The following RUNDC1 variants were observed in gnomAD, a reference collection of about 807,000 sequenced individuals.
RUNDC1 encodes RUN domain-containing protein 1.
A neutral mutation model predicts 49.3 loss-of-function variants in RUNDC1; 31 were observed. The ratio of observed to expected loss-of-function variants is 0.63; its 90% CI spans 0.47 to 0.85. The LOEUF is 0.85. Ranked by LOEUF, RUNDC1 falls within the 40% of genes least tolerant of loss-of-function variation. RUNDC1 has a pLI of 0.00. For missense variants in RUNDC1, 715 were observed against 806.7 expected (o/e 0.89, Z 1.38); for synonymous variants, 347 against 348.6 (o/e 1.00, Z 0.05).
intron 1 of RUNDC1, chr17:42,985,696 C>G (rs947855514): frequency 2.0e-5 from 20 of 978,748 alleles, no homozygotes; most frequent in Non-Finnish European, 2.3e-5. Context: ...ACGCTGTAGA[C>G]TTCTAGTTTA....
chr17:42,984,850 T>A (rs2050148627), intron 1 of RUNDC1, among the ~76,000 whole-genome samples: 1 of 152,050 alleles, frequency 6.6e-6, no homozygotes, highest in Admixed American at 6.6e-5. Context: ...GTTCATTATT[T>A]GGAATTTGTC....
rs774756128 is a variant in RUNDC1 at position 42,989,575 on chromosome 17, G to A, written c.856+36G>A. 3.0e-5 allele frequency: 47 copies of A among 1,568,008 alleles called. 1 individual carries two copies. The South Asian group carries it at 4.8e-4, about 16-fold the overall frequency. ...GGGATGGGATGAGAAGGGTGGACAG[G>A]TGTCATAATAATTATACTTATTCTA... On this transcript the variant is annotated intron_variant, in intron 3 of 4. Coordinates refer to ENST00000361677, the MANE Select transcript of RUNDC1 (RefSeq NM_173079.5).
In RUNDC1 at chr17:42,989,470, A is replaced by G; in HGVS notation, c.787A>G (p.Lys263Glu). Residue 263 changes from lysine to glutamate, a missense_variant, in exon 3 of 5, where the codon AAA becomes GAA. Coordinates refer to ENST00000361677, the MANE Select transcript of RUNDC1 (RefSeq NM_173079.5). Reference sequence around the variant, plus strand: ...TCAGATCGTCAACCCAGCCCGAGTCAAAGAACAGTTGGTTGAGCAACTGAA... The same window carrying G: ...TCAGATCGTCAACCCAGCCCGAGTCGAAGAACAGTTGGTTGAGCAACTGAA... The part of the protein sequence containing the change: ...VAQIVNPARV[K>E]EQLVEQLKTQ... The G allele has an allele frequency of 6.2e-7, 1 of 1,614,164 alleles. No individual in the cohort carries two copies. The highest frequency in any genetic ancestry group is 1.7e-5 in the Admixed American group (1 of 60,014).
chr17:42,991,287 C>T lies in RUNDC1; in HGVS notation c.1413C>T (p.His471=), dbSNP rs1376689901. The T allele has an allele frequency of 6.2e-7, 1 of 1,614,180 alleles. No individual in the cohort carries two copies. The highest frequency in any genetic ancestry group is 8.5e-7 in the Non-Finnish European group (1 of 1,180,030). Residue 471 remains histidine, a synonymous_variant, in exon 5 of 5, where the codon CAC becomes CAT. Coordinates refer to ENST00000361677, the MANE Select transcript of RUNDC1 (RefSeq NM_173079.5). ...PAFSSAPEAM[H]PWELFVKYYH... ...TCTCCTCGGCCCCAGAGGCCATGCA[C>T]CCGTGGGAGCTCTTTGTAAAGTACT...
In RUNDC1 at chr17:42,994,032, G is replaced by A. The variant is rs537244735; in HGVS notation, c.*2316G>A. ...CTGCCACCACGCCTGGCTAATGTTT[G>A]TATTTTTAATAGAGAGGGTTTCACC... On this transcript the variant is annotated 3_prime_UTR_variant, in exon 5 of 5. Transcript: ENST00000361677. Among the ~76,000 whole-genome samples, 21 of 152,254 alleles carry A rather than the reference G, an allele frequency of 1.4e-4. No individual in the cohort carries two copies. The highest frequency in any genetic ancestry group is 4.8e-4 in the African/African-American group (20 of 41,556).
At chr17:42,984,280 GTTT>G (rs1227344186) in intron 1 of RUNDC1, among the ~76,000 whole-genome samples, 5 of 134,598 alleles carry the variant, frequency 3.7e-5, no homozygotes, top group Admixed American at 7.5e-5. Context: ...CTGGCCCCCA[GTTT>G]TTTTTTTTTT....
chr17:42,983,813 A>G (rs1242417698), intron 1 of RUNDC1, among the ~76,000 whole-genome samples: 1 of 151,866 alleles, frequency 6.6e-6, no homozygotes, highest in Non-Finnish European at 1.5e-5. Flanking sequence ...CTGGGACTAC[A>G]GGTGCCCGTC....
intron 1 of RUNDC1, among the ~76,000 whole-genome samples, chr17:42,983,932 A>C (rs1389350113): frequency 6.6e-6 from 1 of 150,872 alleles, no homozygotes; most frequent in Non-Finnish European, 1.5e-5. Flanking sequence ...AATCTGTCCG[A>C]CTCGGCCTCC....
At position 42,989,356 on chromosome 17, in the gene RUNDC1, T is replaced by C; in HGVS notation, c.673T>C (p.Leu225=). The part of the protein sequence containing the change: ...LERQRVIIDE[L]IKKLDMNLNE... ...ATCTTGGTAGGTGATCATAGATGAGTTAATAAAGAAACTGGACATGAATCT... is the reference window on the plus strand; with the variant it reads ...ATCTTGGTAGGTGATCATAGATGAGCTAATAAAGAAACTGGACATGAATCT... The change falls in exon 3 of 5, where the codon TTA becomes CTA. Residue 225 remains leucine (L), a synonymous_variant. Transcript: ENST00000361677. The C allele has an allele frequency of 1.2e-6, 2 of 1,613,766 alleles. No individual in the cohort carries two copies. The highest frequency in any genetic ancestry group is 4.5e-5 in the East Asian group (2 of 44,874).
rs771239383 is a variant in RUNDC1 at position 42,981,061 on chromosome 17, G to A, written c.485G>A (p.Arg162Gln). The A allele has an allele frequency of 6.4e-7, 1 of 1,563,316 alleles. No individual in the cohort carries two copies. Among genetic ancestry groups the A allele is most frequent in the South Asian group, 1.2e-5 (1 of 86,848 alleles). Residue 162 changes from arginine to glutamine, a missense_variant, in exon 1 of 5, where the codon CGG becomes CAG. By Grantham distance (43) the Arg-to-Gln change is conservative. Around this residue, in one of 5 missense-constraint regions of RUNDC1, gnomAD observed 113 missense variants for 93.4 expected, o/e 1.21. Transcript: ENST00000361677. ...DGLPGDRPWL[R>Q]GEDQSEQEKQ... ...CTGCCAGGGGACCGGCCATGGTTGC[G>A]GGGCGAGGACCAGGTGAGTGGCTGG...
At chr17:42,981,729 G>GC (rs2050093365) in intron 1 of RUNDC1, 1 of 150,730 alleles carries the variant, frequency 6.6e-6, no homozygotes, top group African/African-American at 2.4e-5. Flanking sequence ...CCATCCTCCC[G>GC]CCTCAGCCTC....
rs1018448671 is a variant in RUNDC1, at chr17:42,992,383, A to G, written c.*667A>G. ...CAGGAGTTCAAGACCAGCCTGGCCAACATGGTGAAACCCCATCTCTACTAA... is the reference window on the plus strand; with the variant it reads ...CAGGAGTTCAAGACCAGCCTGGCCAGCATGGTGAAACCCCATCTCTACTAA... On this transcript the variant is annotated 3_prime_UTR_variant, in exon 5 of 5. Transcript: ENST00000361677. 6.6e-6 allele frequency: 1 copy of G among 152,354 alleles called. No individual in the cohort carries two copies. Among genetic ancestry groups the G allele is most frequent in the Non-Finnish European group, 1.5e-5 (1 of 68,302 alleles). 9.4% of individuals were successfully genotyped at this position (152,354 alleles called of 1,614,324 possible).
In RUNDC1 at chr17:42,994,801, T is replaced by A. The variant is rs2050286461; in HGVS notation, c.*3085T>A. ...CATTACTGAGAACAGAGCTCTGTCC[T>A]TCACTTAGGGTGAGACAGGACAAGG... On this transcript the variant is annotated 3_prime_UTR_variant, in exon 5 of 5. Coordinates refer to ENST00000361677, the MANE Select transcript of RUNDC1 (RefSeq NM_173079.5). Among the ~76,000 whole-genome samples the A allele has an allele frequency of 6.6e-6, 1 of 152,174 alleles. No individual in the cohort carries two copies. The highest frequency in any genetic ancestry group is 1.5e-5 in the Non-Finnish European group (1 of 68,042).
At position 42,990,370 on chromosome 17, in the gene RUNDC1, G is replaced by A. The variant is rs375924857; in HGVS notation, c.910G>A (p.Gly304Ser). The change falls in exon 4 of 5, where the codon GGT (glycine) becomes AGT (serine). Residue 304 changes from glycine to serine, a missense_variant. Around this residue, in one of 5 missense-constraint regions of RUNDC1, gnomAD observed 425 missense variants for 499.7 expected, o/e 0.85. Transcript: ENST00000361677. ...TGGGHCECKA[G>S]GKTGNGCSRT... ...TGGTGGACACTGTGAGTGCAAGGCC[G>A]GTGGGAAGACAGGAAATGGCTGCAG... The A allele has an allele frequency of 1.5e-4, 239 of 1,614,080 alleles. 2 individuals are homozygous for A. In the South Asian group the frequency reaches 2.3e-3, roughly 16 times the overall value.
At position 42,991,235 on chromosome 17, in the gene RUNDC1, C is replaced by G; in HGVS notation, c.1361C>G (p.Ala454Gly). Reference protein sequence around the residue: ...ASSPGMSLVMAPIACLLPAFS... With the variant: ...ASSPGMSLVMGPIACLLPAFS... ...TCCCCAGGGATGAGCCTTGTTATGG[C>G]TCCTATTGCTTGTTTGCTGCCAGCC... is the stretch of plus-strand genomic sequence containing the variant. Residue 454 changes from alanine to glycine, a missense_variant, in exon 5 of 5, where the codon GCT (alanine) becomes GGT (glycine). Ala to Gly is a moderately conservative substitution (Grantham distance 60). Transcript: ENST00000361677. 1 of 1,614,206 alleles carries G rather than the reference C, an allele frequency of 6.2e-7. No individual in the cohort carries two copies. The highest frequency in any genetic ancestry group is 8.5e-7 in the Non-Finnish European group (1 of 1,180,034).
chr17:42,989,844 A>C (rs1021967183), intron 3 of RUNDC1, among the ~76,000 whole-genome samples: 2 of 152,080 alleles, frequency 1.3e-5, no homozygotes, highest in African/African-American at 4.8e-5. Context: ...CATGTTGGCC[A>C]GGCTGGTCTC....
chr17:42,987,589 T>C (rs1184028120), intron 2 of RUNDC1, among the ~76,000 whole-genome samples, 175 bp downstream of exon 2: 1 of 152,204 alleles, frequency 6.6e-6, no homozygotes, highest in Non-Finnish European at 1.5e-5. Flanking sequence ...TGCTCACACA[T>C]GGAAAACACA....
Position 42,980,600 on chromosome 17 carries a change from A to G in RUNDC1, c.24A>G (p.Ala8=), listed in dbSNP as rs1042094571. Residue 8 remains alanine, a synonymous_variant, in exon 1 of 5, where the codon GCA becomes GCG. Coordinates refer to ENST00000361677, the MANE Select transcript of RUNDC1 (RefSeq NM_173079.5). ...AGATGGCGGCTGTCGAAGCGGCTGC[A>G]GAGCCGGTAACGGTGGTGGCGGCTG... MAAVEAA[A]EPVTVVAAVG... is the part of the protein sequence containing the mutation. 5.0e-6 allele frequency: 8 copies of G among 1,609,838 alleles called. No homozygotes were observed. In the East Asian group the frequency reaches 6.7e-5, roughly 13 times the overall value.
intron 1 of RUNDC1, among the ~76,000 whole-genome samples, chr17:42,984,500 C>T (rs1365981018): frequency 1.3e-5 from 2 of 152,146 alleles, no homozygotes; most frequent in African/African-American, 2.4e-5. Context: ...AGGCTGGTCT[C>T]GAACTCCTGA....
Sources: allele counts gnomAD v4.1 joint callset (sites outside exome capture counted in the v4.1 genomes callset), GRCh38; gene constraint gnomAD v4.1.1; regional missense constraint gnomAD v4.1.1; transcripts MANE v1.5; gene names NCBI Gene and HGNC (gene_info 2026-07-23, HGNC 2026-07-21).